PDE4D: variants seen among roughly 807,000 people sequenced by gnomAD.
PDE4D encodes 3',5'-cyclic-AMP phosphodiesterase 4D.
A neutral mutation model predicts 87.4 loss-of-function variants in PDE4D; 24 were observed. The ratio of observed to expected loss-of-function variants is 0.27; its 90% CI spans 0.20 to 0.39. The LOEUF (loss-of-function observed/expected upper bound fraction) is 0.39, where lower values mean the gene tolerates loss of function less well. PDE4D is among the 10% of genes least tolerant of loss of function. PDE4D has a pLI of 1.00. For synonymous variants in PDE4D, 384 were observed against 383.2 expected (o/e 1.00, Z -0.02); for missense variants, 714 against 1,041.0 (o/e 0.69, Z 4.32).
chr5:59,464,334 C>T (rs542479317), intron 1 of PDE4D, among the ~76,000 whole-genome samples: 8 of 152,228 alleles, frequency 5.3e-5, no homozygotes, highest in Admixed American at 2.0e-4. Context: ...CCCGATTGTA[C>T]GTTCCATCTA....
At chr5:60,468,130 C>CTTTTTTT (rs370784270) in intron 1 of PDE4D, among the ~76,000 whole-genome samples, 7,280 of 124,824 alleles carry the variant, frequency 0.058, 342 homozygotes, top group East Asian at 0.16. Flanking sequence ...AACTTTCTTT[C>CTTTTTTT]TTTTTTCTTT....
At chr5:60,183,257 T>C (rs1353174229) in intron 2 of PDE4D, among the ~76,000 whole-genome samples, 1 of 152,234 alleles carries the variant, frequency 6.6e-6, no homozygotes, top group Non-Finnish European at 1.5e-5. Context: ...CCACCTAGTC[T>C]ATGGTATATT....
chr5:59,859,769 G>T (rs1411193124), intron 1 of PDE4D, among the ~76,000 whole-genome samples: 2 of 152,180 alleles, frequency 1.3e-5, no homozygotes, highest in Non-Finnish European at 2.9e-5. Flanking sequence ...TCATGAAAGT[G>T]GTACTTGGAG....
chr5:59,217,552 T>C (rs1363216466), intron 1 of PDE4D, among the ~76,000 whole-genome samples: 1 of 152,190 alleles, frequency 6.6e-6, no homozygotes, highest in Non-Finnish European at 1.5e-5. Context: ...CTTAAAATTT[T>C]CTTAGAATTG....
At chr5:60,375,367 CA>C (rs1215464523) in intron 1 of PDE4D, among the ~76,000 whole-genome samples, 1 of 152,108 alleles carries the variant, frequency 6.6e-6, no homozygotes, top group Non-Finnish European at 1.5e-5. Context: ...TTATTTGTAC[CA>C]GGCACTATTT....
Position 59,794,351 on chromosome 5 carries a change from G to A in PDE4D, c.455+98817C>T, listed in dbSNP as rs546914474. Among the ~76,000 whole-genome samples the A allele has an allele frequency of 2.0e-4, 31 of 152,272 alleles. No individual in the cohort carries two copies. In the East Asian group the frequency reaches 3.7e-3, roughly 18 times the overall value. On this transcript the variant is annotated intron_variant, in intron 1 of 14. Transcript: ENST00000340635. ...TGTAGGTAGAAATGTGCATAAATGC[G>A]CTTCTCTAAGATGCTCATGAAGAAA...
chr5:60,295,521 C>T (rs917784117), intron 1 of PDE4D, among the ~76,000 whole-genome samples: 7 of 152,170 alleles, frequency 4.6e-5, no homozygotes, highest in African/African-American at 1.7e-4. Context: ...CAGATGACTC[C>T]TTGCTGGGAT....
chr5:59,771,791 T>A (rs1763614296), intron 1 of PDE4D, among the ~76,000 whole-genome samples: 1 of 152,200 alleles, frequency 6.6e-6, no homozygotes, highest in African/African-American at 2.4e-5. Flanking sequence ...GCATTGATCA[T>A]TATGGTTAAA....
At chr5:59,353,132 A>G (rs1212670491) in intron 1 of PDE4D, among the ~76,000 whole-genome samples, 7 of 152,154 alleles carry the variant, frequency 4.6e-5, no homozygotes, top group African/African-American at 1.2e-4. Flanking sequence ...TGTCACATAA[A>G]ATGTTCCTTT....
intron 2 of PDE4D, chr5:60,032,846 C>T (rs1005667467): frequency 1.3e-5 from 2 of 152,150 alleles, no homozygotes; most frequent in South Asian, 2.1e-4. Context: ...GTTCAGAATT[C>T]CTCAGAGAGA....
At chr5:60,405,969 T>A (rs558551543) in intron 1 of PDE4D, among the ~76,000 whole-genome samples, 31 of 151,894 alleles carry the variant, frequency 2.0e-4, no homozygotes, top group Non-Finnish European at 3.1e-4. Flanking sequence ...CCTTATTCTA[T>A]CCAACAGATG....
chr5:59,992,177 TG>T (rs1763077192), intron 2 of PDE4D, among the ~76,000 whole-genome samples: 1 of 152,194 alleles, frequency 6.6e-6, no homozygotes, highest in African/African-American at 2.4e-5. Flanking sequence ...CAGGGACTCT[TG>T]GGCCTTGAGC....
At chr5:60,475,136 T>C (rs1191933015) in intron 1 of PDE4D, among the ~76,000 whole-genome samples, 1 of 152,162 alleles carries the variant, frequency 6.6e-6, no homozygotes, top group Non-Finnish European at 1.5e-5. Context: ...TTCTAGGTCT[T>C]CTCCCCCCTA....
At chr5:59,328,449 A>G (rs1776108481) in intron 1 of PDE4D, among the ~76,000 whole-genome samples, 1 of 152,184 alleles carries the variant, frequency 6.6e-6, no homozygotes, top group Non-Finnish European at 1.5e-5. Flanking sequence ...CTAGCATTTG[A>G]TTTATCTTGT....
intron 6 of PDE4D, among the ~76,000 whole-genome samples, chr5:59,006,394 C>T (rs13328098): frequency 0.1 from 15,355 of 151,792 alleles, 1,038 homozygotes; most frequent in Non-Finnish European, 0.13. Context: ...GAGAAACCAC[C>T]GTCTCTACAA....
At chr5:60,088,698 TAGAGA>T (rs1478868300) in intron 2 of PDE4D, among the ~76,000 whole-genome samples, 4 of 151,594 alleles carry the variant, frequency 2.6e-5, no homozygotes, top group Non-Finnish European at 5.9e-5. Context: ...CATGTCCTAA[TAGAGA>T]AAATTATTTT....
chr5:59,443,035 G>GA (rs1377085092), intron 1 of PDE4D, among the ~76,000 whole-genome samples: 3 of 152,140 alleles, frequency 2.0e-5, no homozygotes, highest in Non-Finnish European at 4.4e-5. Context: ...AGATACAAGA[G>GA]AAAAATAAAA....
intron 1 of PDE4D, among the ~76,000 whole-genome samples, chr5:59,645,354 T>C (rs918157781): frequency 6.6e-6 from 1 of 152,210 alleles, no homozygotes; most frequent in African/African-American, 2.4e-5. Flanking sequence ...GAATTTTGCA[T>C]GAGTGAGACA....
chr5:60,462,048 C>T (rs1292944979), intron 1 of PDE4D, among the ~76,000 whole-genome samples: 1 of 152,116 alleles, frequency 6.6e-6, no homozygotes, highest in Non-Finnish European at 1.5e-5. Flanking sequence ...GCCAGGTATC[C>T]CTAATCAGGG....
Sources: gnomAD v4.1 joint callset for allele counts (sites outside exome capture counted in the v4.1 genomes callset) on GRCh38, gnomAD v4.1.1 for gene constraint, MANE v1.5 for transcripts, NCBI Gene and HGNC (gene_info 2026-07-23, HGNC 2026-07-21) for gene names.